The following ART3 variants were observed in gnomAD, a reference collection of about 807,000 sequenced individuals.
ART3 encodes ecto-ADP-ribosyltransferase 3.
A neutral mutation model predicts 48.5 loss-of-function variants in ART3; 49 were observed. The observed-to-expected ratio is 1.01, with a 90% CI of 0.80 to 1.28. The LOEUF is 1.28. Among genes scored for constraint, ART3 ranks in the 50% most tolerant of loss-of-function variants. ART3 has a pLI of 0.00. For missense variants in ART3, 438 were observed against 454.3 expected, an observed-to-expected ratio of 0.96 and a Z score of 0.33; for synonymous variants, 145 against 157.2, an observed-to-expected ratio of 0.92 and a Z score of 0.58.
chr4:76,082,585 C>G (rs1275692540), intron 3 of ART3, 50 bp downstream of exon 3: 1 of 1,446,300 alleles, frequency 6.9e-7, no homozygotes, highest in Admixed American at 2.2e-5. Context: ...GAGTGGGATT[C>G]TTAGGCTTAG....
intron 1 of ART3, among the ~76,000 whole-genome samples, chr4:76,017,181 G>T (rs1732344605): frequency 6.6e-6 from 1 of 151,596 alleles, no homozygotes; most frequent in South Asian, 2.1e-4. Context: ...GAATGTGCTG[G>T]GTCTCACCTA....
At chr4:76,037,038 C>A in intron 1 of ART3, 1 of 175,836 alleles carries the variant, frequency 5.7e-6, no homozygotes, top group South Asian at 1.3e-4. Context: ...TGTTGAGGCC[C>A]ACAGCTATAG....
At chr4:76,029,396 G>A (rs1315498217) in intron 1 of ART3, among the ~76,000 whole-genome samples, 1 of 152,174 alleles carries the variant, frequency 6.6e-6, no homozygotes, top group Non-Finnish European at 1.5e-5. Context: ...TACTTATGGT[G>A]CCAGGATTTT....
intron 10 of ART3, among the ~76,000 whole-genome samples, chr4:76,105,064 A>T (rs1380855626): frequency 6.6e-6 from 1 of 152,206 alleles, no homozygotes; most frequent in South Asian, 2.1e-4. Context: ...GCTCAGAGAA[A>T]AGGGTCCAGG....
At chr4:76,097,254 G>A (rs895923775) in intron 3 of ART3, among the ~76,000 whole-genome samples, 3 of 152,070 alleles carry the variant, frequency 2.0e-5, no homozygotes, top group African/African-American at 7.2e-5. Flanking sequence ...ACCCAGGCTG[G>A]AGTGTAGTAG....
intron 9 of ART3, 100 bp from the exon 10 acceptor site, chr4:76,104,497 G>T (rs1728039000): frequency 6.5e-7 from 1 of 1,541,082 alleles, no homozygotes; most frequent in Admixed American, 2.0e-5. Flanking sequence ...GTGCATTGGG[G>T]CCTTGGGTGC....
intron 1 of ART3, among the ~76,000 whole-genome samples, chr4:76,020,199 T>C (rs1031827656): frequency 3.9e-5 from 6 of 151,928 alleles, no homozygotes; most frequent in Non-Finnish European, 8.8e-5. Context: ...CAGTCATAGC[T>C]CACTGTAACC....
chr4:76,050,178 A>G (rs1256396691), intron 1 of ART3, among the ~76,000 whole-genome samples: 1 of 152,072 alleles, frequency 6.6e-6, no homozygotes, highest in Non-Finnish European at 1.5e-5. Flanking sequence ...AAGCTTCCAC[A>G]GTGTGGAAGG....
chr4:76,087,360 C>T (rs1331003450), intron 3 of ART3, among the ~76,000 whole-genome samples: 1 of 152,102 alleles, frequency 6.6e-6, no homozygotes, highest in African/African-American at 2.4e-5. Flanking sequence ...GGGCTGGAGT[C>T]CTCTGCCGCC....
At chr4:76,018,857 A>T (rs893392385) in intron 1 of ART3, among the ~76,000 whole-genome samples, 1 of 151,998 alleles carries the variant, frequency 6.6e-6, no homozygotes, top group African/African-American at 2.4e-5. Flanking sequence ...GTGAAGCCTC[A>T]TATTTGTATT....
chr4:76,023,103 C>T (rs547183483), intron 1 of ART3, among the ~76,000 whole-genome samples: 4 of 152,096 alleles, frequency 2.6e-5, no homozygotes, highest in Admixed American at 6.6e-5. Flanking sequence ...CATCTCTGTC[C>T]GCATTCCCTC....
chr4:76,013,514 G>C (rs1344505683), intron 1 of ART3, among the ~76,000 whole-genome samples: 1 of 152,062 alleles, frequency 6.6e-6, no homozygotes, highest in Non-Finnish European at 1.5e-5. Context: ...ACATTTCCTT[G>C]TGTCTACGTA....
intron 1 of ART3, chr4:76,034,982 TTC>T: frequency 6.7e-7 from 1 of 1,486,410 alleles, no homozygotes; most frequent in Non-Finnish European, 9.4e-7. Flanking sequence ...CCACATTATT[TTC>T]TTTTTCAAAA....
At chr4:76,035,919 C>T (rs755999293) in intron 1 of ART3, 14 of 1,611,374 alleles carry the variant, frequency 8.7e-6, no homozygotes, top group Admixed American at 5.0e-5. Context: ...ATAAAAATTA[C>T]TGCATACCTT....
intron 2 of ART3, 61 bp from the exon 3 acceptor site, chr4:76,081,763 G>A (rs914242687): frequency 1.3e-6 from 2 of 1,516,048 alleles, no homozygotes; most frequent in African/African-American, 2.8e-5. Context: ...AATAATGTGA[G>A]AGAAAATGAT....
intron 8 of ART3, 48 bp from the exon 9 acceptor site, chr4:76,103,889 G>C: frequency 6.6e-7 from 1 of 1,510,412 alleles, no homozygotes; most frequent in Non-Finnish European, 9.1e-7. Flanking sequence ...AGTATTAACA[G>C]TATAAGATAA....
chr4:76,091,570 T>G (rs578258258), intron 3 of ART3, among the ~76,000 whole-genome samples: 16 of 152,358 alleles, frequency 1.1e-4, no homozygotes, highest in African/African-American at 3.6e-4. Flanking sequence ...TTTTGTCCAC[T>G]TTTAATGAGG....
intron 3 of ART3, among the ~76,000 whole-genome samples, chr4:76,089,595 T>A (rs1000643057): frequency 2.0e-5 from 3 of 152,182 alleles, no homozygotes; most frequent in Non-Finnish European, 4.4e-5. Flanking sequence ...CATGAGCCAA[T>A]CAAAACTCCT....
At chr4:76,049,614 G>T (rs1375536318) in intron 1 of ART3, among the ~76,000 whole-genome samples, 1 of 143,924 alleles carries the variant, frequency 6.9e-6, no homozygotes, top group Non-Finnish European at 1.5e-5. Flanking sequence ...CTTTTAACTG[G>T]CCGACAGGTG....
Sources: gnomAD v4.1 joint callset for allele counts (sites outside exome capture counted in the v4.1 genomes callset) on GRCh38, gnomAD v4.1.1 for gene constraint, MANE v1.5 for transcripts, NCBI Gene and HGNC (gene_info 2026-07-23, HGNC 2026-07-21) for gene names.